The following KIAA1549L variants were observed in gnomAD, a reference collection of about 807,000 sequenced individuals.
The protein encoded by KIAA1549L is UPF0606 protein KIAA1549L.
Under a neutral mutation model 160.7 loss-of-function variants are expected in KIAA1549L, and 88 were observed. The ratio of observed to expected loss-of-function variants is 0.55; its 90% CI spans 0.46 to 0.65. The LOEUF (loss-of-function observed/expected upper bound fraction) is 0.65. Ranked by LOEUF, KIAA1549L falls within the 30% of genes least tolerant of loss-of-function variation. The pLI is 0.00. For synonymous variants in KIAA1549L, 950 were observed against 976.7 expected (o/e 0.97, Z 0.51); for missense variants, 2,258 against 2,437.5 (o/e 0.93, Z 1.55).
intron 1 of KIAA1549L, among the ~76,000 whole-genome samples, chr11:33,469,616 G>A: frequency 6.6e-6 from 1 of 152,186 alleles, no homozygotes; most frequent in East Asian, 1.9e-4. Flanking sequence ...CAAAGAGGCT[G>A]CACCATTTTA....
intron 14 of KIAA1549L, among the ~76,000 whole-genome samples, chr11:33,609,326 C>T (rs965796322): frequency 5.9e-5 from 9 of 152,244 alleles, no homozygotes; most frequent in African/African-American, 2.2e-4. Flanking sequence ...TCTAGCTGGA[C>T]ACCAGCTGAA....
At chr11:33,424,696 C>T (rs1217163574) in intron 1 of KIAA1549L, among the ~76,000 whole-genome samples, 1 of 152,102 alleles carries the variant, frequency 6.6e-6, no homozygotes, top group Non-Finnish European at 1.5e-5. Flanking sequence ...CTCATACATG[C>T]TCTACTCTGG....
At chr11:33,589,860 A>G (rs1358603196) in intron 11 of KIAA1549L, among the ~76,000 whole-genome samples, 1 of 152,204 alleles carries the variant, frequency 6.6e-6, no homozygotes, top group Non-Finnish European at 1.5e-5. Flanking sequence ...ATGTATACAT[A>G]TGTAACCTGC....
At position 33,660,996 on chromosome 11, in the gene KIAA1549L, G is replaced by C; in HGVS notation, c.6141G>C (p.Pro2047=). ...WMSYAGENEL[P]SQWADSVPLP... ...CCTATGCAGGAGAGAATGAGCTCCC[G>C]AGCCAGTGGGCAGATTCGGTGAGAC... The change falls in exon 20 of 21, where the codon CCG becomes CCC. Residue 2047 remains proline, a synonymous_variant. Transcript: ENST00000658780. The C allele has an allele frequency of 1.2e-6, 2 of 1,610,290 alleles. No individual in the cohort carries two copies. Among genetic ancestry groups the C allele is most frequent in the Non-Finnish European group, 1.7e-6 (2 of 1,178,194 alleles).
At chr11:33,406,359 C>T (rs1850651946) in intron 1 of KIAA1549L, among the ~76,000 whole-genome samples, 1 of 152,134 alleles carries the variant, frequency 6.6e-6, no homozygotes, top group Non-Finnish European at 1.5e-5. Context: ...CTGCCGGCTG[C>T]GACTTATGCT....
chr11:33,558,310 G>A (rs1295273601), intron 6 of KIAA1549L, among the ~76,000 whole-genome samples: 1 of 152,144 alleles, frequency 6.6e-6, no homozygotes, highest in African/African-American at 2.4e-5. Flanking sequence ...GGTACCCAAG[G>A]CTCTAACAGC....
chr11:33,542,164 A>G lies in KIAA1549L; in HGVS notation c.601A>G (p.Met201Val). The part of the protein sequence containing the change: ...ADVSGLPLTS[M>V]LPSLSTVPSG... ...TGTGTCAGGTTTGCCTCTCACCAGC[A>G]TGCTCCCCTCGTTGTCCACAGTCCC... The change falls in exon 2 of 21, where the codon ATG (methionine) becomes GTG (valine). Residue 201 changes from methionine to valine, a missense_variant. Physicochemically the swap from Met to Val is conservative, Grantham distance 21 (BLOSUM62 1). Transcript: ENST00000658780. 1 of 601,762 alleles carries G rather than the reference A, an allele frequency of 1.7e-6. No homozygotes were observed. The highest frequency in any genetic ancestry group is 3.1e-6 in the Non-Finnish European group (1 of 319,902). The allele number at this position is 601,762 out of a possible 1,614,324, so 37.3% of individuals were successfully genotyped here.
At chr11:33,575,210 A>G (rs911319328) in intron 10 of KIAA1549L, among the ~76,000 whole-genome samples, 3 of 152,268 alleles carry the variant, frequency 2.0e-5, no homozygotes, top group African/African-American at 7.2e-5. Flanking sequence ...AAACATTTGT[A>G]AAGTTCTACA....
In KIAA1549L at chr11:33,656,075, C is replaced by A. The variant is rs766316206; in HGVS notation, c.5824C>A (p.Arg1942=). Residue 1942 remains arginine (R), a synonymous_variant, in exon 18 of 21, where the codon CGG becomes AGG. Coordinates refer to ENST00000658780, the MANE Select transcript of KIAA1549L (RefSeq NM_012194.3). ...MGSPPPPVPP[R]TGPVAVASLR... ...CTCACCGCCTCCACCCGTACCTCCC[C>A]GGACTGGTCCTGTGGCTGTCGCTTC... 1 of 1,613,652 alleles carries A rather than the reference C, an allele frequency of 6.2e-7. No individual in the cohort carries two copies. The highest frequency in any genetic ancestry group is 1.3e-5 in the African/African-American group (1 of 74,916).
chr11:33,570,117 C>T (rs1484961262), intron 9 of KIAA1549L, among the ~76,000 whole-genome samples: 1 of 151,808 alleles, frequency 6.6e-6, no homozygotes, highest in Non-Finnish European at 1.5e-5. Context: ...GATTCTCCTG[C>T]CTCAGCCTCC....
At chr11:33,379,089 T>G (rs1182213016) in intron 1 of KIAA1549L, among the ~76,000 whole-genome samples, 1 of 152,212 alleles carries the variant, frequency 6.6e-6, no homozygotes, top group African/African-American at 2.4e-5. Context: ...GTCTGAGATC[T>G]TACTCAAAGT....
Position 33,402,825 on chromosome 11 carries a change from C to T in KIAA1549L, c.238+25936C>T, listed in dbSNP as rs151032420. On this transcript the variant is annotated intron_variant, in intron 1 of 20. Coordinates refer to ENST00000658780, the MANE Select transcript of KIAA1549L (RefSeq NM_012194.3). ...CACTCCTGCCACCCCCCCTAGCTTCCGAACCAGTTGACTTGGTGACCTTTG... is the reference window on the plus strand; with the variant it reads ...CACTCCTGCCACCCCCCCTAGCTTCTGAACCAGTTGACTTGGTGACCTTTG... Among the ~76,000 whole-genome samples the T allele has an allele frequency of 3.6e-4, 55 of 152,294 alleles. No individual in the cohort carries two copies. In the East Asian group the frequency reaches 9.7e-3, roughly 27 times the overall value.
chr11:33,457,609 G>A (rs571071303), intron 1 of KIAA1549L, among the ~76,000 whole-genome samples: 1 of 152,290 alleles, frequency 6.6e-6, no homozygotes, highest in African/African-American at 2.4e-5. Context: ...CTGAAATATA[G>A]GTTCAGTCTG....
chr11:33,440,134 T>C (rs1851467890), intron 1 of KIAA1549L, among the ~76,000 whole-genome samples: 1 of 77,896 alleles, frequency 1.3e-5, no homozygotes, highest in African/African-American at 3.6e-5. Flanking sequence ...TTTTTTTTTT[T>C]TTTTTTTTTT....
At chr11:33,495,390 T>C (rs1222141441) in intron 1 of KIAA1549L, among the ~76,000 whole-genome samples, 1 of 151,770 alleles carries the variant, frequency 6.6e-6, no homozygotes, top group Non-Finnish European at 1.5e-5. Context: ...GGTTTTTTGT[T>C]CTTGCAATAG....
chr11:33,622,256 G>A (rs887802242), intron 16 of KIAA1549L, among the ~76,000 whole-genome samples: 7 of 152,176 alleles, frequency 4.6e-5, no homozygotes, highest in Non-Finnish European at 1.0e-4. Context: ...GAAAACATCA[G>A]CTGTTTAAAA....
chr11:33,549,819 C>G (rs953612427), intron 4 of KIAA1549L, among the ~76,000 whole-genome samples: 1 of 151,956 alleles, frequency 6.6e-6, no homozygotes, highest in South Asian at 2.1e-4. Flanking sequence ...GCGTGGGCAA[C>G]GTAGTGAGAA....
At chr11:33,645,007 G>C (rs1462087258) in intron 16 of KIAA1549L, among the ~76,000 whole-genome samples, 1 of 152,218 alleles carries the variant, frequency 6.6e-6, no homozygotes, top group Non-Finnish European at 1.5e-5. Context: ...TGCCCACCCT[G>C]GTACTGAAGC....
intron 1 of KIAA1549L, among the ~76,000 whole-genome samples, chr11:33,519,387 A>G (rs73488979): frequency 0.046 from 7,025 of 152,264 alleles, 548 homozygotes; most frequent in African/African-American, 0.16. Flanking sequence ...TTTCAAGCTC[A>G]AATACAAGTA....
Sources: allele counts gnomAD v4.1 joint callset (sites outside exome capture counted in the v4.1 genomes callset), GRCh38; gene constraint gnomAD v4.1.1; transcripts MANE v1.5; gene names NCBI Gene and HGNC (gene_info 2026-07-23, HGNC 2026-07-21).